SHANK2: variants seen among roughly 807,000 people sequenced by gnomAD.
The protein encoded by SHANK2 is SH3 and multiple ankyrin repeat domains 2.
SHANK2 carries 43 observed loss-of-function variants against 133.7 expected under a neutral mutation model. The observed-to-expected ratio is 0.32, with a 90% CI of 0.25 to 0.41. The LOEUF (loss-of-function observed/expected upper bound fraction) is 0.41, where lower values mean the gene tolerates loss of function less well. Ranked by LOEUF, SHANK2 falls within the 10% of genes least tolerant of loss-of-function variation. SHANK2 has a pLI of 1.00. For missense variants in SHANK2, 1,994 were observed against 2,235.8 expected (o/e 0.89, Z 2.18); for synonymous variants, 1,017 against 952.8 (o/e 1.07, Z -1.24).
intron 17 of SHANK2, among the ~76,000 whole-genome samples, chr11:70,602,613 G>T (rs971411203): frequency 6.6e-6 from 1 of 152,048 alleles, no homozygotes; most frequent in Non-Finnish European, 1.5e-5. Flanking sequence ...TCTTCTTTTC[G>T]GTAATTATAC....
rs183396848 is a variant in SHANK2 at position 70,832,771 on chromosome 11, G to C, written c.1175-12089C>G. Among the ~76,000 whole-genome samples the C allele has an allele frequency of 1.8e-4, 28 of 152,276 alleles. No homozygotes were observed. The East Asian group carries it at 5.2e-3, about 28-fold the overall frequency. On this transcript the variant is annotated intron_variant, in intron 11 of 25. Coordinates refer to ENST00000601538, the MANE Select transcript of SHANK2 (RefSeq NM_012309.5). Reference sequence around the variant, plus strand: ...ATGTACCCAGTGGAGGCCCAGGGAGGCTTGGGCTAAGCCACAGCCACGCTA... The same window carrying C: ...ATGTACCCAGTGGAGGCCCAGGGAGCCTTGGGCTAAGCCACAGCCACGCTA...
Position 70,648,614 on chromosome 11 carries a change from A to G in SHANK2, c.2061+11214T>C, listed in dbSNP as rs565276349. ...ACCAGGGGTACAATTCCCCCTGTAAACCCCTCAGGATTCCAGTGGGCCTGG... is the reference window on the plus strand; with the variant it reads ...ACCAGGGGTACAATTCCCCCTGTAAGCCCCTCAGGATTCCAGTGGGCCTGG... On this transcript the variant is annotated intron_variant, in intron 17 of 25. Coordinates refer to ENST00000601538, the MANE Select transcript of SHANK2 (RefSeq NM_012309.5). Among the ~76,000 whole-genome samples the G allele has an allele frequency of 2.0e-5, 3 of 152,266 alleles. No homozygotes were observed. In the South Asian group the frequency reaches 6.2e-4, roughly 32 times the overall value.
intron 10 of SHANK2, among the ~76,000 whole-genome samples, chr11:70,904,365 C>T (rs1419123500): frequency 6.6e-6 from 1 of 152,162 alleles, no homozygotes; most frequent in Non-Finnish European, 1.5e-5. Flanking sequence ...CATGCCATCA[C>T]CTAAAAAGCT....
At chr11:70,748,784 C>T (rs374310654) in intron 14 of SHANK2, among the ~76,000 whole-genome samples, 3 of 152,216 alleles carry the variant, frequency 2.0e-5, no homozygotes, top group African/African-American at 4.8e-5. Context: ...ATGGAGTGAC[C>T]GTGAATGTGA....
At chr11:71,148,878 A>G (rs1555107301) in intron 2 of SHANK2, among the ~76,000 whole-genome samples, 1 of 152,180 alleles carries the variant, frequency 6.6e-6, no homozygotes, top group Non-Finnish European at 1.5e-5. Flanking sequence ...CAGATGGTAC[A>G]TGGGCATTTT....
chr11:70,937,056 C>A (rs190373838), intron 10 of SHANK2, among the ~76,000 whole-genome samples: 1 of 152,194 alleles, frequency 6.6e-6, no homozygotes, highest in African/African-American at 2.4e-5. Context: ...TAGCATCAGT[C>A]ACATACTTCT....
intron 14 of SHANK2, among the ~76,000 whole-genome samples, chr11:70,702,227 C>T (rs1442794149): frequency 6.6e-6 from 1 of 151,608 alleles, no homozygotes; most frequent in African/African-American, 2.4e-5. Flanking sequence ...TCATCATTAC[C>T]ACCACCAGCG....
At chr11:70,597,745 C>T (rs1053430125) in intron 17 of SHANK2, among the ~76,000 whole-genome samples, 15 of 152,262 alleles carry the variant, frequency 9.9e-5, no homozygotes, top group African/African-American at 3.6e-4. Context: ...GAATGGTGGG[C>T]ACCTGTAATC....
intron 11 of SHANK2, among the ~76,000 whole-genome samples, chr11:70,841,970 C>A (rs1948913448): frequency 6.6e-6 from 1 of 152,156 alleles, no homozygotes; most frequent in South Asian, 2.1e-4. Flanking sequence ...TGTGCTGTCA[C>A]TGCCCTTATT....
chr11:71,201,798 G>A (rs782070614), intron 2 of SHANK2, among the ~76,000 whole-genome samples: 3 of 152,150 alleles, frequency 2.0e-5, no homozygotes, highest in African/African-American at 4.8e-5. Flanking sequence ...CAGGAGACGG[G>A]GGATGAATCT....
chr11:70,524,343 G>C (rs143987912), intron 17 of SHANK2, among the ~76,000 whole-genome samples: 60 of 152,342 alleles, frequency 3.9e-4, no homozygotes, highest in African/African-American at 1.4e-3. Flanking sequence ...GAGTCCCAGG[G>C]AGCCTGGAGA....
intron 6 of SHANK2, among the ~76,000 whole-genome samples, chr11:71,101,473 G>T (rs192716980): frequency 6.6e-6 from 1 of 152,338 alleles, no homozygotes; most frequent in East Asian, 1.9e-4. Flanking sequence ...CAAAGGCACT[G>T]GTAGCAAAGG....
chr11:70,590,638 G>C (rs2060309327), intron 17 of SHANK2, among the ~76,000 whole-genome samples: 1 of 152,176 alleles, frequency 6.6e-6, no homozygotes, highest in African/African-American at 2.4e-5. Flanking sequence ...CTCGCCGAAG[G>C]CTCTGATGAT....
At chr11:70,579,381 A>G (rs536053732) in intron 17 of SHANK2, among the ~76,000 whole-genome samples, 1 of 152,388 alleles carries the variant, frequency 6.6e-6, no homozygotes, top group South Asian at 2.1e-4. Context: ...CTCTGAGGAC[A>G]GCCAGAAGAG....
At chr11:70,846,045 C>T (rs1414568186) in intron 11 of SHANK2, among the ~76,000 whole-genome samples, 1 of 152,098 alleles carries the variant, frequency 6.6e-6, no homozygotes, top group South Asian at 2.1e-4. Flanking sequence ...CCCAGAGAGA[C>T]CTGAACTGGG....
intron 14 of SHANK2, among the ~76,000 whole-genome samples, chr11:70,768,453 T>A (rs1947174408): frequency 6.6e-6 from 1 of 152,246 alleles, no homozygotes; most frequent in East Asian, 1.9e-4. Context: ...CGGAGGCAGT[T>A]CAGGGAAGGC....
intron 17 of SHANK2, chr11:70,570,453 A>T (rs1162119294): frequency 6.6e-6 from 1 of 152,216 alleles, no homozygotes; most frequent in Non-Finnish European, 1.5e-5. Context: ...TTGCTGCAGG[A>T]CCAGGACCGG....
chr11:70,504,614 G>A (rs148352234), intron 17 of SHANK2, among the ~76,000 whole-genome samples: 18 of 152,336 alleles, frequency 1.2e-4, no homozygotes, highest in African/African-American at 2.2e-4. Context: ...CCTGAAGATA[G>A]AGTCTTGGGA....
chr11:70,884,874 C>T (rs1266947568), intron 11 of SHANK2, among the ~76,000 whole-genome samples: 1 of 152,094 alleles, frequency 6.6e-6, no homozygotes, highest in Non-Finnish European at 1.5e-5. Context: ...GCACGTGCCA[C>T]CATGCCTGGC....
Sources: allele counts gnomAD v4.1 joint callset (sites outside exome capture counted in the v4.1 genomes callset), GRCh38; gene constraint gnomAD v4.1.1; transcripts MANE v1.5; gene names NCBI Gene and HGNC (gene_info 2026-07-23, HGNC 2026-07-21).